Variants in PKIA observed in about 807,000 individuals in gnomAD.
The protein encoded by PKIA is cAMP-dependent protein kinase inhibitor alpha.
A neutral mutation model predicts 7.6 loss-of-function variants in PKIA; 4 were observed. That is an observed-to-expected ratio of 0.52 (90% CI 0.26 to 1.20). PKIA has a LOEUF of 1.20. Ranked by LOEUF, PKIA falls within the 50% of genes most tolerant of loss-of-function variation. The pLI is 0.13. For synonymous variants in PKIA, 21 were observed against 30.7 expected, an observed-to-expected ratio of 0.68 and a Z score of 1.04; for missense variants, 73 against 86.2, an observed-to-expected ratio of 0.85 and a Z score of 0.61.
At chr8:78,544,884 A>G (rs923614752) in intron 1 of PKIA, among the ~76,000 whole-genome samples, 1 of 152,182 alleles carries the variant, frequency 6.6e-6, no homozygotes, top group Non-Finnish European at 1.5e-5. Flanking sequence ...TTACCTGCAG[A>G]TTTATTTGTA....
At chr8:78,600,841 T>G (rs775947851) in intron 3 of PKIA, among the ~76,000 whole-genome samples, 3 of 152,100 alleles carry the variant, frequency 2.0e-5, no homozygotes, top group Non-Finnish European at 4.4e-5. Flanking sequence ...CCTTATAACA[T>G]TATGGTCCAA....
intron 1 of PKIA, among the ~76,000 whole-genome samples, chr8:78,572,254 A>AAC (rs199857230): frequency 5.1e-4 from 77 of 151,102 alleles, no homozygotes; most frequent in East Asian, 3.7e-3. Context: ...GCCAAACACA[A>AAC]ACACACACAC....
At chr8:78,553,568 A>G (rs1187560161) in intron 1 of PKIA, among the ~76,000 whole-genome samples, 3 of 151,960 alleles carry the variant, frequency 2.0e-5, no homozygotes, top group African/African-American at 7.2e-5. Flanking sequence ...CACTGTTAGA[A>G]TATTAGGCAG....
At chr8:78,551,361 A>G (rs1469476525) in intron 1 of PKIA, among the ~76,000 whole-genome samples, 2 of 152,044 alleles carry the variant, frequency 1.3e-5, no homozygotes, top group East Asian at 3.9e-4. Flanking sequence ...TAGCATATCT[A>G]AATAGTCCTT....
chr8:78,586,387 C>G (rs1488339724), intron 2 of PKIA, among the ~76,000 whole-genome samples: 1 of 151,730 alleles, frequency 6.6e-6, no homozygotes, highest in African/African-American at 2.4e-5. Flanking sequence ...ATTTTGGAAG[C>G]TTTTTTTTAG....
chr8:78,559,691 C>T (rs1222485576), intron 1 of PKIA, among the ~76,000 whole-genome samples: 3 of 152,144 alleles, frequency 2.0e-5, no homozygotes, highest in Non-Finnish European at 2.9e-5. Flanking sequence ...CCCTCACTTT[C>T]GCCAGTGTTT....
At chr8:78,578,340 T>C (rs1216742496) in intron 2 of PKIA, among the ~76,000 whole-genome samples, 1 of 152,036 alleles carries the variant, frequency 6.6e-6, no homozygotes, top group African/African-American at 2.4e-5. Flanking sequence ...GAAATTGATA[T>C]TAAACTGTAA....
chr8:78,550,842 T>C (rs1169337565), intron 1 of PKIA, among the ~76,000 whole-genome samples: 1 of 152,004 alleles, frequency 6.6e-6, no homozygotes, highest in Non-Finnish European at 1.5e-5. Context: ...GACCCCAAAG[T>C]TCATTGTATC....
intron 2 of PKIA, among the ~76,000 whole-genome samples, chr8:78,595,550 G>A (rs183902020): frequency 6.6e-6 from 1 of 152,196 alleles, no homozygotes; most frequent in East Asian, 1.9e-4. Flanking sequence ...AATAAGCATA[G>A]TACCCTATAG....
chr8:78,560,207 C>T (rs1477964386), intron 1 of PKIA, among the ~76,000 whole-genome samples: 2 of 152,146 alleles, frequency 1.3e-5, no homozygotes, highest in African/African-American at 4.8e-5. Flanking sequence ...ACAGTGCTTC[C>T]TTCTGGCAGT....
At chr8:78,572,347 A>T (rs565603139) in intron 1 of PKIA, among the ~76,000 whole-genome samples, 1 of 152,006 alleles carries the variant, frequency 6.6e-6, no homozygotes, top group Admixed American at 6.6e-5. Flanking sequence ...TCCAATGTTT[A>T]TGAAGAACTA....
At chr8:78,572,291 C>T (rs193138728) in intron 1 of PKIA, among the ~76,000 whole-genome samples, 10 of 149,966 alleles carry the variant, frequency 6.7e-5, no homozygotes, top group South Asian at 4.2e-4. Context: ...TGTGTGACAA[C>T]GCTTGAACAG....
chr8:78,578,735 A>G (rs1290222111), intron 2 of PKIA, among the ~76,000 whole-genome samples: 3 of 151,498 alleles, frequency 2.0e-5, no homozygotes, highest in African/African-American at 4.9e-5. Flanking sequence ...TGATGCCTCC[A>G]TTTCTTAGTG....
At position 78,524,089 on chromosome 8, in the gene PKIA, CATTT is replaced by C. The variant is rs1400514789; in HGVS notation, c.-157+7624_-157+7627del. On this transcript the variant is annotated intron_variant, in intron 1 of 3. Coordinates refer to ENST00000396418, the MANE Select transcript of PKIA (RefSeq NM_006823.4). ...ATATTTATATATAAATATAAATAAA[CATTT>C]ATATTTATATATAAATATATGTATA... Among the ~76,000 whole-genome samples, 3 of 114,280 alleles carry C rather than the reference CATTT, an allele frequency of 2.6e-5. 1 individual carries two copies. Among genetic ancestry groups the C allele is most frequent in the Non-Finnish European group, 5.1e-5 (3 of 58,658 alleles). The allele number at this position is 114,280 out of a possible 152,430, so 75.0% of individuals were successfully genotyped here. A position where few individuals can be genotyped will look rare whatever the true frequency, so the allele number is the denominator to read the frequency against.
At chr8:78,549,019 C>T (rs1360104669) in intron 1 of PKIA, among the ~76,000 whole-genome samples, 2 of 151,966 alleles carry the variant, frequency 1.3e-5, no homozygotes, top group East Asian at 1.9e-4. Context: ...CACATTTCTA[C>T]GGTGTCTTAA....
chr8:78,595,373 G>A (rs1047784458), intron 2 of PKIA, among the ~76,000 whole-genome samples: 1 of 152,134 alleles, frequency 6.6e-6, no homozygotes, highest in Non-Finnish European at 1.5e-5. Context: ...GTGACGAGGG[G>A]AGAGAATTTC....
intron 1 of PKIA, among the ~76,000 whole-genome samples, chr8:78,530,403 C>T (rs923379704): frequency 6.6e-6 from 1 of 151,964 alleles, no homozygotes; most frequent in Non-Finnish European, 1.5e-5. Context: ...TGGTCTGCTT[C>T]TAGTTATAAA....
chr8:78,600,058 C>T (rs1808317937), intron 3 of PKIA, among the ~76,000 whole-genome samples: 1 of 150,720 alleles, frequency 6.6e-6, no homozygotes. Flanking sequence ...TTTATACTTC[C>T]AAATGTCTTC....
At chr8:78,541,807 CTTT>C (rs780479329) in intron 1 of PKIA, among the ~76,000 whole-genome samples, 9,362 of 134,156 alleles carry the variant, frequency 0.07, 365 homozygotes, top group Non-Finnish European at 0.1. Flanking sequence ...TTGGATTTCT[CTTT>C]TTTTTTTTTT....
Sources: gnomAD v4.1 joint callset for allele counts (sites outside exome capture counted in the v4.1 genomes callset) on GRCh38, gnomAD v4.1.1 for gene constraint, MANE v1.5 for transcripts, NCBI Gene and HGNC (gene_info 2026-07-23, HGNC 2026-07-21) for gene names.